The following IGFL2 variants were observed in gnomAD, a reference collection of about 807,000 sequenced individuals.
IGFL2 encodes the protein IGF like family member 2, also known as insulin growth factor-like family member 2.
A neutral mutation model predicts 13.9 loss-of-function variants in IGFL2; 7 were observed. The ratio of observed to expected loss-of-function variants is 0.51; its 90% CI spans 0.29 to 0.95. The LOEUF (loss-of-function observed/expected upper bound fraction) is 0.95. Among genes scored for constraint, IGFL2 ranks in the 40% least tolerant of loss-of-function variants. The probability of loss-of-function intolerance (pLI) is 0.08; values close to 1 mark genes in which losing one functional copy is unlikely to be tolerated. For synonymous variants in IGFL2, 55 were observed against 55.8 expected (o/e 0.99, Z 0.07); for missense variants, 138 against 147.8 (o/e 0.93, Z 0.34).
chr19:46,113,504 C>T, the IGFL2 span: 1 of 347,388 alleles, frequency 2.9e-6, no homozygotes, highest in Non-Finnish European at 5.9e-6. Context: ...AGGGAGAAAT[C>T]CAAGATTTAT....
At chr19:46,214,914 A>AC in the IGFL2 span, 9 of 146,088 alleles carry the variant, frequency 6.2e-5, no homozygotes, top group East Asian at 1.5e-3. Context: ...CACACACACC[A>AC]CACAGGCTGT....
At chr19:46,201,121 T>A in the IGFL2 span, among the ~76,000 whole-genome samples, 1 of 152,142 alleles carries the variant, frequency 6.6e-6, no homozygotes, top group African/African-American at 2.4e-5. Flanking sequence ...GAACACGCTG[T>A]CCCCTCTCCA....
chr19:46,106,737 G>A, the IGFL2 span, among the ~76,000 whole-genome samples: 1 of 152,166 alleles, frequency 6.6e-6, no homozygotes, highest in African/African-American at 2.4e-5. Flanking sequence ...AAGAGGCCAT[G>A]TTGTAACAGG....
the IGFL2 span, among the ~76,000 whole-genome samples, chr19:46,105,598 C>G: frequency 2.6e-5 from 4 of 152,094 alleles, no homozygotes; most frequent in African/African-American, 9.7e-5. Flanking sequence ...CAATGGTAAT[C>G]GTTGCAGACT....
downstream of IGFL2, chr19:46,161,294 C>T (rs1419689481): frequency 6.4e-6 from 3 of 466,226 alleles, no homozygotes; most frequent in Non-Finnish European, 1.1e-5. Context: ...AATGTACACA[C>T]CTGTACCCAA....
the IGFL2 span, among the ~76,000 whole-genome samples, chr19:46,082,349 G>A: frequency 6.6e-6 from 1 of 152,216 alleles, no homozygotes; most frequent in Non-Finnish European, 1.5e-5. Flanking sequence ...GCAAAAGAGG[G>A]TAGCCTTTTG....
intron 1 of IGFL2, among the ~76,000 whole-genome samples, chr19:46,151,379 A>G (rs1973480331): frequency 6.6e-6 from 1 of 152,156 alleles, no homozygotes; most frequent in Non-Finnish European, 1.5e-5. Context: ...TCATAGTCCT[A>G]GCACTTTTGT....
At chr19:46,184,009 TATTTG>T in the IGFL2 span, among the ~76,000 whole-genome samples, 2 of 152,356 alleles carry the variant, frequency 1.3e-5, no homozygotes, top group East Asian at 1.9e-4. Flanking sequence ...TTTGAGTTCC[TATTTG>T]ATTTAAGGGA....
At chr19:46,172,352 GATA>G in the IGFL2 span, among the ~76,000 whole-genome samples, 768 of 152,302 alleles carry the variant, frequency 5.0e-3, 7 homozygotes, top group African/African-American at 0.018. Flanking sequence ...ATGGGAAAAT[GATA>G]ATAATCCATT....
the IGFL2 span, chr19:46,180,538 C>G: frequency 6.6e-6 from 1 of 152,066 alleles, no homozygotes; most frequent in East Asian, 1.9e-4. Context: ...TCAAGGTTCT[C>G]TAGAGGACAC....
the IGFL2 span, among the ~76,000 whole-genome samples, chr19:46,137,800 G>C: frequency 6.6e-6 from 1 of 152,156 alleles, no homozygotes; most frequent in South Asian, 2.1e-4. Context: ...TCCTCAGCTT[G>C]GTCTATTCTG....
upstream of IGFL2, among the ~76,000 whole-genome samples, chr19:46,146,360 T>TAGCTTG (rs1165274931): frequency 6.6e-6 from 1 of 152,230 alleles, no homozygotes; most frequent in African/African-American, 2.4e-5. Flanking sequence ...GTCATTACTG[T>TAGCTTG]AGCTTGAGTA....
chr19:46,082,207 G>GGGAAA, the IGFL2 span, among the ~76,000 whole-genome samples: 1 of 152,032 alleles, frequency 6.6e-6, no homozygotes, highest in Non-Finnish European at 1.5e-5. Flanking sequence ...TTCCTTTTCT[G>GGGAAA]TTTCCCCATA....
chr19:46,097,765 C>T, the IGFL2 span, among the ~76,000 whole-genome samples: 1 of 152,128 alleles, frequency 6.6e-6, no homozygotes, highest in Non-Finnish European at 1.5e-5. Context: ...TCATTGTTTA[C>T]CCAGGAGTCA....
the IGFL2 span, among the ~76,000 whole-genome samples, chr19:46,178,827 G>A: frequency 3.4e-4 from 52 of 152,070 alleles, no homozygotes; most frequent in African/African-American, 1.0e-3. Flanking sequence ...GTCTTTGCCT[G>A]TAGCTTCTGT....
At chr19:46,210,801 A>T in the IGFL2 span, among the ~76,000 whole-genome samples, 2 of 152,226 alleles carry the variant, frequency 1.3e-5, no homozygotes, top group South Asian at 2.1e-4. Context: ...CACACCCAGG[A>T]TCAATACTTT....
At chr19:46,150,048 T>C (rs1973389856) in intron 1 of IGFL2, among the ~76,000 whole-genome samples, 1 of 152,226 alleles carries the variant, frequency 6.6e-6, no homozygotes, top group Non-Finnish European at 1.5e-5. Flanking sequence ...TTATTTTCTA[T>C]TTTCCTGTTT....
At chr19:46,134,779 C>G in the IGFL2 span, among the ~76,000 whole-genome samples, 1 of 152,222 alleles carries the variant, frequency 6.6e-6, no homozygotes, top group East Asian at 1.9e-4. Context: ...CACTAAGTCA[C>G]TGCTTACTGC....
chr19:46,080,888 C>CAGGACTGTGTCCATCACTTCCTGT, the IGFL2 span, among the ~76,000 whole-genome samples: 1 of 152,244 alleles, frequency 6.6e-6, no homozygotes, highest in African/African-American at 2.4e-5. Flanking sequence ...GCTGTGCTTT[C>CAGGACTGTGTCCATCACTTCCTGT]AGGACTGTGT....
Sources: allele counts gnomAD v4.1 joint callset (sites outside exome capture counted in the v4.1 genomes callset), GRCh38; gene constraint gnomAD v4.1.1; transcripts MANE v1.5; gene names NCBI Gene and HGNC (gene_info 2026-07-23, HGNC 2026-07-21).